The following WRN variants were observed in gnomAD, a reference collection of about 807,000 sequenced individuals.
WRN encodes bifunctional 3'-5' exonuclease/ATP-dependent helicase WRN.
Under a neutral mutation model 180.7 loss-of-function variants are expected in WRN, and 149 were observed. That is an observed-to-expected ratio of 0.82 (90% CI 0.72 to 0.94). The LOEUF is 0.94. Among genes scored for constraint, WRN ranks in the 40% least tolerant of loss-of-function variants. The probability of loss-of-function intolerance (pLI) is 0.00; values close to 1 mark genes in which losing one functional copy is unlikely to be tolerated. For missense variants in WRN, 1,661 were observed against 1,700.1 expected, an observed-to-expected ratio of 0.98 and a Z score of 0.40; for synonymous variants, 548 against 568.9, an observed-to-expected ratio of 0.96 and a Z score of 0.52.
At position 31,067,216 on chromosome 8, in the gene WRN, T is replaced by C. The variant is rs773262209; in HGVS notation, c.654+34T>C. Reference sequence around the variant, plus strand: ...TTAAAGATCTTTAGAAATTGTGATGTGTTTTAAAAACATTATTATAAATGA... The same window carrying C: ...TTAAAGATCTTTAGAAATTGTGATGCGTTTTAAAAACATTATTATAAATGA... On this transcript the variant is annotated intron_variant, in intron 6 of 34. Transcript: ENST00000298139. 5 of 1,610,882 alleles carry C rather than the reference T, an allele frequency of 3.1e-6. No homozygotes were observed. In the South Asian group the frequency reaches 3.3e-5, roughly 11 times the overall value.
intron 33 of WRN, among the ~76,000 whole-genome samples, chr8:31,161,050 T>C (rs918558986): frequency 1.3e-4 from 19 of 151,988 alleles, no homozygotes; most frequent in East Asian, 3.9e-4. Flanking sequence ...TGTTGGCATT[T>C]TTGCTATCAT....
chr8:31,052,770 A>G (rs1364672013), intron 1 of WRN, among the ~76,000 whole-genome samples: 3 of 152,188 alleles, frequency 2.0e-5, no homozygotes, highest in African/African-American at 7.2e-5. Flanking sequence ...TGGATGTACC[A>G]TACTTAATTA....
chr8:31,144,028 A>G lies in WRN; in HGVS notation c.3383+405A>G, dbSNP rs191993582. Among the ~76,000 whole-genome samples the G allele has an allele frequency of 7.2e-5, 11 of 152,304 alleles. No homozygotes were observed. In the East Asian group the frequency reaches 2.1e-3, roughly 29 times the overall value. ...TCTATATTTGTCTACCTCTAGCATC[A>G]AGACACTATTTATTTTTCTTTGTAT... On this transcript the variant is annotated intron_variant, in intron 28 of 34. Transcript: ENST00000298139.
intron 33 of WRN, among the ~76,000 whole-genome samples, chr8:31,159,106 C>T (rs1009678939): frequency 9.2e-5 from 14 of 151,636 alleles, no homozygotes; most frequent in Non-Finnish European, 1.5e-5. Context: ...CAAGACCAGC[C>T]TGAGCAACAT....
At chr8:31,141,817 G>C in intron 26 of WRN, 42 bp downstream of exon 26, 1 of 1,573,836 alleles carries the variant, frequency 6.4e-7, no homozygotes, top group Non-Finnish European at 8.7e-7. Context: ...TGCATTTTTT[G>C]TTGCTATTTA....
intron 12 of WRN, among the ~76,000 whole-genome samples, chr8:31,088,182 C>G (rs1813611871): frequency 1.3e-5 from 2 of 152,084 alleles, no homozygotes; most frequent in Admixed American, 1.3e-4. Context: ...CATTATAGCT[C>G]TCATTTAGAA....
At position 31,077,382 on chromosome 8, in the gene WRN, C is replaced by T. The variant is rs572275583; in HGVS notation, c.839+1095C>T. Among the ~76,000 whole-genome samples, 9 of 150,718 alleles carry T rather than the reference C, an allele frequency of 6.0e-5. No individual in the cohort carries two copies. In the East Asian group the frequency reaches 1.4e-3, roughly 23 times the overall value. On this transcript the variant is annotated intron_variant, in intron 8 of 34. Coordinates refer to ENST00000298139, the MANE Select transcript of WRN (RefSeq NM_000553.6). ...CAGCCTCCCGAGTAGCTGGGACTAC[C>T]GGCGCCCGCCACCCCACCTGGCTAA... is the stretch of plus-strand genomic sequence containing the variant.
chr8:31,035,557 T>G (rs1436489665), intron 1 of WRN, among the ~76,000 whole-genome samples: 1 of 152,120 alleles, frequency 6.6e-6, no homozygotes, highest in Non-Finnish European at 1.5e-5. Flanking sequence ...TAGGACTTTA[T>G]GGGCTATATT....
chr8:31,060,087 A>G (rs1812433578), intron 3 of WRN, among the ~76,000 whole-genome samples: 1 of 151,970 alleles, frequency 6.6e-6, no homozygotes, highest in African/African-American at 2.4e-5. Context: ...ACAACCCCAC[A>G]AACAAACAAA....
chr8:31,087,101 A>G (rs1010860964), intron 11 of WRN, among the ~76,000 whole-genome samples: 1 of 152,192 alleles, frequency 6.6e-6, no homozygotes, highest in African/African-American at 2.4e-5. Flanking sequence ...AAAAGATTTA[A>G]TAAAAAGAGA....
chr8:31,045,839 G>A (rs1356356504), intron 1 of WRN, among the ~76,000 whole-genome samples: 6 of 152,086 alleles, frequency 3.9e-5, no homozygotes, highest in Non-Finnish European at 8.8e-5. Flanking sequence ...GTAAACTCAC[G>A]TGGTTCAATG....
chr8:31,133,464 G>T (rs2130381499), intron 24 of WRN, among the ~76,000 whole-genome samples: 1 of 152,156 alleles, frequency 6.6e-6, no homozygotes, highest in African/African-American at 2.4e-5. Context: ...GGCGGAGCTT[G>T]CAGTGAGCTG....
intron 24 of WRN, among the ~76,000 whole-genome samples, chr8:31,138,327 T>C (rs988848918): frequency 6.6e-6 from 1 of 152,202 alleles, no homozygotes; most frequent in African/African-American, 2.4e-5. Context: ...AAATAAATTA[T>C]ATTATGTATA....
chr8:31,136,588 A>T (rs1217527013), intron 24 of WRN, among the ~76,000 whole-genome samples: 2 of 152,096 alleles, frequency 1.3e-5, no homozygotes, highest in Non-Finnish European at 2.9e-5. Context: ...TAATTTCAGC[A>T]CTTTTGGGAA....
At chr8:31,102,421 A>G (rs1800912441) in intron 18 of WRN, among the ~76,000 whole-genome samples, 1 of 152,236 alleles carries the variant, frequency 6.6e-6, no homozygotes, top group African/African-American at 2.4e-5. Flanking sequence ...TTCTTAGGAC[A>G]TTTTGTGGTT....
At chr8:31,118,683 A>T (rs2130314344) in intron 20 of WRN, among the ~76,000 whole-genome samples, 1 of 152,104 alleles carries the variant, frequency 6.6e-6, no homozygotes, top group South Asian at 2.1e-4. Context: ...TAGAATCTTA[A>T]ATTTTCTTTT....
At chr8:31,168,152 T>G (rs112866564) in intron 34 of WRN, among the ~76,000 whole-genome samples, 1 of 152,130 alleles carries the variant, frequency 6.6e-6, no homozygotes, top group African/African-American at 2.4e-5. Context: ...TATATAGTCA[T>G]GTCCTAGATA....
At chr8:31,161,860 A>AT (rs780577262) in intron 33 of WRN, among the ~76,000 whole-genome samples, 2 of 141,496 alleles carry the variant, frequency 1.4e-5, no homozygotes, top group Non-Finnish European at 3.1e-5. Flanking sequence ...AAAAAAAGAG[A>AT]TAAAAAGGTA....
chr8:31,062,965 C>T (rs1245926981), intron 3 of WRN, among the ~76,000 whole-genome samples: 1 of 152,046 alleles, frequency 6.6e-6, no homozygotes, highest in African/African-American at 2.4e-5. Context: ...CAAGTAGCTA[C>T]AACTACTGGT....
Sources: gnomAD v4.1 joint callset for allele counts (sites outside exome capture counted in the v4.1 genomes callset) on GRCh38, gnomAD v4.1.1 for gene constraint, MANE v1.5 for transcripts, NCBI Gene and HGNC (gene_info 2026-07-23, HGNC 2026-07-21) for gene names.